Variants in PARD3B observed in about 807,000 individuals in gnomAD.
The protein encoded by PARD3B is partitioning defective 3 homolog B.
In PARD3B, 103 loss-of-function variants were observed where a neutral mutation model predicts 130.2. The observed-to-expected ratio is 0.79, with a 90% CI of 0.67 to 0.93. PARD3B has a LOEUF of 0.93. Among genes scored for constraint, PARD3B ranks in the 40% least tolerant of loss-of-function variants. The pLI, the probability that PARD3B is intolerant of heterozygous loss-of-function variation, is 0.00. For missense variants in PARD3B, 1,609 were observed against 1,499.2 expected (o/e 1.07, Z -1.21); for synonymous variants, 583 against 553.2 (o/e 1.05, Z -0.76).
chr2:205,027,025 A>G (rs1697083966), intron 3 of PARD3B, among the ~76,000 whole-genome samples: 2 of 151,974 alleles, frequency 1.3e-5, no homozygotes, highest in Non-Finnish European at 2.9e-5. Context: ...TCTTTGAGAT[A>G]TTGATTTAAA....
chr2:205,280,241 A>G lies in PARD3B; in HGVS notation c.2186-20289A>G, dbSNP rs2041136499. Among the ~76,000 whole-genome samples, 1 of 152,224 alleles carries G rather than the reference A, an allele frequency of 6.6e-6. No homozygotes were observed. The highest frequency in any genetic ancestry group is 2.4e-5 in the African/African-American group (1 of 41,464). The stretch of plus-strand genomic sequence containing the variant: ...ATGAACTTTGGAACAGAAAAATAAC[A>G]TTAACAGGTTATTAAACTGTTTGTC... On this transcript the variant is annotated intron_variant, in intron 16 of 22. Coordinates refer to ENST00000406610, the MANE Select transcript of PARD3B (RefSeq NM_001302769.2). The surrounding 1 kb of genome is among the most constrained non-coding windows in gnomAD (Gnocchi z 4.7).
At chr2:204,944,793 C>G (rs1689180586) in intron 2 of PARD3B, among the ~76,000 whole-genome samples, 1 of 152,102 alleles carries the variant, frequency 6.6e-6, no homozygotes, top group South Asian at 2.1e-4. Flanking sequence ...TAAGACTACC[C>G]ACTTGCCCTC....
At chr2:205,545,209 T>C (rs1162610577) in intron 21 of PARD3B, among the ~76,000 whole-genome samples, 1 of 152,164 alleles carries the variant, frequency 6.6e-6, no homozygotes, top group African/African-American at 2.4e-5. Context: ...TTTTGATGAG[T>C]TTCATTTTGT....
chr2:205,069,701 C>T (rs925194059), intron 4 of PARD3B, among the ~76,000 whole-genome samples: 3 of 151,980 alleles, frequency 2.0e-5, no homozygotes, highest in African/African-American at 7.3e-5. Context: ...AGGACCAGAG[C>T]CCTCACCCTT....
At chr2:205,560,840 C>A (rs2053106022) in intron 22 of PARD3B, among the ~76,000 whole-genome samples, 2 of 152,208 alleles carry the variant, frequency 1.3e-5, no homozygotes, top group Non-Finnish European at 2.9e-5. Flanking sequence ...AAGGAGCAAG[C>A]AGCTAATGCT....
At chr2:204,550,833 G>GT (rs2030403720) in intron 1 of PARD3B, among the ~76,000 whole-genome samples, 1 of 152,192 alleles carries the variant, frequency 6.6e-6, no homozygotes, top group Non-Finnish European at 1.5e-5. Flanking sequence ...GTATGATAAT[G>GT]TGTGGGAGTA....
Position 205,414,471 on chromosome 2 carries a change from A to G in PARD3B, c.2741+13348A>G, listed in dbSNP as rs114132003. The stretch of plus-strand genomic sequence containing the variant: ...CATTTTATTAATCAGTAGGAAAAGA[A>G]TAACTATCTATTAAAATATCTTGCC... On this transcript the variant is annotated intron_variant, in intron 19 of 22. Transcript: ENST00000406610. Among the ~76,000 whole-genome samples, 605 of 152,304 alleles carry G rather than the reference A, an allele frequency of 4.0e-3. 7 individuals carry two copies. Among genetic ancestry groups the G allele is most frequent in the African/African-American group, 0.013 (557 of 41,590 alleles).
chr2:204,581,511 A>G (rs1237317761), intron 1 of PARD3B, among the ~76,000 whole-genome samples: 2 of 151,124 alleles, frequency 1.3e-5, no homozygotes, highest in Non-Finnish European at 2.9e-5. Context: ...TTGTGGGGGT[A>G]TAAAAAGAAT....
rs769903678 is a variant in PARD3B, at chr2:205,300,665, G to C, written c.2321G>C (p.Gly774Ala). 1 of 1,613,982 alleles carries C rather than the reference G, an allele frequency of 6.2e-7. No homozygotes were observed. The change falls in exon 17 of 23, where the codon GGC becomes GCC. Residue 774 changes from glycine (G) to alanine (A), a missense_variant. Transcript: ENST00000406610. The surrounding 1 kb of genome is among the most constrained non-coding windows in gnomAD (Gnocchi z 4.1). ...AGGCCCCGGCCGCACATGGTTCGAG[G>C]CCGAGGCTGCAATGAGAGCTTTAGA... ...FHRPRPHMVR[G>A]RGCNESFRAA...
intron 22 of PARD3B, among the ~76,000 whole-genome samples, chr2:205,599,502 C>T (rs2054699451): frequency 6.6e-6 from 1 of 152,134 alleles, no homozygotes; most frequent in Non-Finnish European, 1.5e-5. Flanking sequence ...CAAGACCAGA[C>T]AGCAAGGAAA....
chr2:205,415,776 C>A (rs112760445), intron 19 of PARD3B, among the ~76,000 whole-genome samples: 213 of 152,054 alleles, frequency 1.4e-3, no homozygotes, highest in Non-Finnish European at 2.5e-3. Flanking sequence ...GATGTGTGAA[C>A]CAACATGGGA....
At chr2:205,611,500 C>T (rs187673410) in intron 22 of PARD3B, among the ~76,000 whole-genome samples, 1 of 152,284 alleles carries the variant, frequency 6.6e-6, no homozygotes, top group Admixed American at 6.5e-5. Context: ...CTTATTGCTT[C>T]TTTACATGTA....
At chr2:205,390,152 A>T (rs1424437038) in intron 18 of PARD3B, among the ~76,000 whole-genome samples, 1 of 151,236 alleles carries the variant, frequency 6.6e-6, no homozygotes, top group Non-Finnish European at 1.5e-5. Flanking sequence ...TTTATACAAT[A>T]AATGCTTGAC....
Position 204,686,060 on chromosome 2 carries a change from G to A in PARD3B, c.121-121G>A, listed in dbSNP as rs1371055747. On this transcript the variant is annotated intron_variant, in intron 1 of 22. Coordinates refer to ENST00000406610, the MANE Select transcript of PARD3B (RefSeq NM_001302769.2). ...TAAATAGATAACATTTGTTTTCAGTGTTTAAAAATTTGATTACTAGAACAT... is the reference window on the plus strand; with the variant it reads ...TAAATAGATAACATTTGTTTTCAGTATTTAAAAATTTGATTACTAGAACAT... The A allele has an allele frequency of 3.6e-5, 24 of 666,870 alleles. No homozygotes were observed. In the East Asian group the frequency reaches 6.6e-4, roughly 18 times the overall value. 41.3% of individuals were successfully genotyped at this position (666,870 alleles called of 1,614,324 possible).
At chr2:204,739,041 C>T (rs1350372107) in intron 2 of PARD3B, among the ~76,000 whole-genome samples, 9 of 152,246 alleles carry the variant, frequency 5.9e-5, no homozygotes, top group Middle Eastern at 3.4e-3. Context: ...CTAAGAGTTT[C>T]TACTTTGGTT....
At chr2:204,736,895 G>A (rs971240925) in intron 2 of PARD3B, among the ~76,000 whole-genome samples, 1 of 152,112 alleles carries the variant, frequency 6.6e-6, no homozygotes, top group African/African-American at 2.4e-5. Context: ...ATTCCCACCA[G>A]CAGTGTATAA....
intron 1 of PARD3B, among the ~76,000 whole-genome samples, chr2:204,571,481 CTG>C (rs1025044557): frequency 3.0e-4 from 45 of 152,278 alleles, no homozygotes; most frequent in African/African-American, 1.0e-3. Flanking sequence ...TTGTAATTAA[CTG>C]TGTGTATGTC....
At chr2:204,653,434 T>C (rs1309544325) in intron 1 of PARD3B, among the ~76,000 whole-genome samples, 1 of 151,084 alleles carries the variant, frequency 6.6e-6, no homozygotes, top group African/African-American at 2.5e-5. Flanking sequence ...TTGCTATATG[T>C]GGCATCCAGA....
intron 19 of PARD3B, among the ~76,000 whole-genome samples, chr2:205,427,951 A>G (rs1019861782): frequency 6.6e-6 from 1 of 152,200 alleles, no homozygotes; most frequent in Non-Finnish European, 1.5e-5. Flanking sequence ...TGTGATCTGA[A>G]TGTTTTTTTC....
Sources: gnomAD v4.1 joint callset for allele counts (sites outside exome capture counted in the v4.1 genomes callset) on GRCh38, gnomAD v4.1.1 for gene constraint, Gnocchi (gnomAD v3.1) non-coding constraint, MANE v1.5 for transcripts, NCBI Gene and HGNC (gene_info 2026-07-23, HGNC 2026-07-21) for gene names.